The following ATG14 variants were observed in gnomAD, a reference collection of about 807,000 sequenced individuals.
The protein encoded by ATG14 is autophagy related 14.
A neutral mutation model predicts 60.4 loss-of-function variants in ATG14; 35 were observed. The observed-to-expected ratio is 0.58, with a 90% confidence interval of 0.44 to 0.77. The LOEUF (loss-of-function observed/expected upper bound fraction) is 0.77, where lower values mean the gene tolerates loss of function less well. Ranked by LOEUF, ATG14 falls within the 30% of genes least tolerant of loss-of-function variation. The pLI is 0.00. For missense variants in ATG14, 647 were observed against 626.3 expected (o/e 1.03, Z -0.35); for synonymous variants, 234 against 228.8 (o/e 1.02, Z -0.21).
chr14:55,380,876 T>TATATATATATATA (rs1555341864), intron 6 of ATG14, among the ~76,000 whole-genome samples, 186 bp from the exon 7 acceptor site: 58 of 84,264 alleles, frequency 6.9e-4, no homozygotes, highest in African/African-American at 3.3e-3. Flanking sequence ...TATATATATA[T>TATATATATATATA]TTTTTTTTTT....
At chr14:55,411,518 G>C in intron 1 of ATG14, 84 bp downstream of exon 1, 2 of 1,336,568 alleles carry the variant, frequency 1.5e-6, no homozygotes, top group Non-Finnish European at 2.0e-6. Flanking sequence ...GTGCCCGGAC[G>C]GGGAGCCCCA....
intron 1 of ATG14, among the ~76,000 whole-genome samples, chr14:55,410,719 C>T (rs938806927): frequency 2.6e-5 from 4 of 152,206 alleles, no homozygotes; most frequent in Admixed American, 6.5e-5. Context: ...AAAGCACTTA[C>T]TGTGCAGCTT....
At chr14:55,401,335 T>C (rs1299367239) in intron 1 of ATG14, among the ~76,000 whole-genome samples, 1 of 152,168 alleles carries the variant, frequency 6.6e-6, no homozygotes, top group African/African-American at 2.4e-5. Flanking sequence ...TTATTTTTTC[T>C]ATTTTCATGT....
At chr14:55,410,376 G>A (rs1885552624) in intron 1 of ATG14, among the ~76,000 whole-genome samples, 1 of 152,104 alleles carries the variant, frequency 6.6e-6, no homozygotes, top group African/African-American at 2.4e-5. Context: ...CCAAATCCTC[G>A]ATTCACTCCA....
chr14:55,386,472 G>C (rs771896986), intron 4 of ATG14, among the ~76,000 whole-genome samples: 14 of 152,202 alleles, frequency 9.2e-5, no homozygotes, highest in Non-Finnish European at 1.8e-4. Context: ...CTGGCTATCT[G>C]ATTTCCCTAG....
At chr14:55,374,094 G>A (rs1044792259) in intron 9 of ATG14, among the ~76,000 whole-genome samples, 4 of 152,238 alleles carry the variant, frequency 2.6e-5, no homozygotes, top group African/African-American at 7.2e-5. Flanking sequence ...TCCAGTATGA[G>A]TGCTTTTTTC....
At chr14:55,370,268 T>G (rs1170608480) in intron 9 of ATG14, among the ~76,000 whole-genome samples, 1 of 152,196 alleles carries the variant, frequency 6.6e-6, no homozygotes, top group Non-Finnish European at 1.5e-5. Context: ...GTCTACGAAG[T>G]AAATACACGG....
At chr14:55,371,512 C>A (rs2009291) in intron 9 of ATG14, among the ~76,000 whole-genome samples, 84,577 of 152,038 alleles carry the variant, frequency 0.56, 26,569 homozygotes, top group African/African-American at 0.87. Context: ...TTACATTTTC[C>A]AAGAGCCCCT....
At chr14:55,402,968 T>TATATAA (rs1336670488) in intron 1 of ATG14, among the ~76,000 whole-genome samples, 14 of 60,974 alleles carry the variant, frequency 2.3e-4, no homozygotes, top group Admixed American at 1.5e-3. Flanking sequence ...TATATATATA[T>TATATAA]AAATAGCTGG....
At chr14:55,400,371 T>C (rs1457748876) in intron 1 of ATG14, among the ~76,000 whole-genome samples, 1 of 152,236 alleles carries the variant, frequency 6.6e-6, no homozygotes, top group Non-Finnish European at 1.5e-5. Context: ...GTTTTCCAAA[T>C]TGCAGCTGTC....
chr14:55,383,570 AAAC>A lies in ATG14; in HGVS notation c.648-1382_648-1380del, dbSNP rs796925211. ...CATCTCAAAAAAACACAAAAAAACA[AAAC>A]AACAACAACAACAACAAAAAAAACC... On this transcript the variant is annotated intron_variant, in intron 5 of 9. Transcript: ENST00000247178. Among the ~76,000 whole-genome samples, 1,058 of 151,726 alleles carry A rather than the reference AAAC, an allele frequency of 7.0e-3. 14 individuals carry two copies. Among genetic ancestry groups the A allele is most frequent in the African/African-American group, 0.023 (942 of 41,324 alleles).
At chr14:55,387,743 A>C (rs886692767) in intron 4 of ATG14, among the ~76,000 whole-genome samples, 4 of 151,924 alleles carry the variant, frequency 2.6e-5, no homozygotes, top group Non-Finnish European at 4.4e-5. Flanking sequence ...ATCTCGGCTC[A>C]CTGCAACCTC....
intron 4 of ATG14, among the ~76,000 whole-genome samples, chr14:55,387,914 G>A (rs987475959): frequency 4.6e-5 from 7 of 152,100 alleles, no homozygotes; most frequent in Non-Finnish European, 8.8e-5. Context: ...CGCCCGCCTC[G>A]GCCTCCCAAA....
chr14:55,387,457 T>G (rs1209622286), intron 4 of ATG14, among the ~76,000 whole-genome samples: 2 of 152,132 alleles, frequency 1.3e-5, no homozygotes, highest in Non-Finnish European at 2.9e-5. Flanking sequence ...TCCCCAGACC[T>G]TTTGCTCTTC....
intron 3 of ATG14, among the ~76,000 whole-genome samples, chr14:55,393,251 G>A (rs555117633): frequency 8.5e-5 from 13 of 152,206 alleles, no homozygotes; most frequent in South Asian, 4.2e-4. Context: ...CGGGCGTGGT[G>A]GTGGGCGCCT....
chr14:55,375,413 CCTCAA>C (rs113408738), intron 9 of ATG14, among the ~76,000 whole-genome samples: 1,698 of 151,996 alleles, frequency 0.011, 14 homozygotes, highest in Middle Eastern at 0.027. Context: ...GCCTGGAGCT[CCTCAA>C]CTCAGGCGAC....
Position 55,411,776 on chromosome 14 carries a change from C to G in ATG14, c.47G>C (p.Gly16Ala). ...GKGARALEAP[G>A]CGPRPLARDL... ...CCGGGCGAGCGGCCGGGGCCCGCAGCCAGGAGCCTCCAGCGCCCGGGCTCC... is the reference window on the plus strand; with the variant it reads ...CCGGGCGAGCGGCCGGGGCCCGCAGGCAGGAGCCTCCAGCGCCCGGGCTCC... Residue 16 changes from glycine to alanine, a missense_variant, in exon 1 of 10, where the codon GGC becomes GCC. Gly to Ala is a moderately conservative substitution (Grantham distance 60). Transcript: ENST00000247178. The G allele has an allele frequency of 6.2e-7, 1 of 1,604,028 alleles. No homozygotes were observed. The highest frequency in any genetic ancestry group is 8.5e-7 in the Non-Finnish European group (1 of 1,175,882).
intron 9 of ATG14, among the ~76,000 whole-genome samples, chr14:55,373,075 TG>T: frequency 6.6e-6 from 1 of 152,170 alleles, no homozygotes; most frequent in Non-Finnish European, 1.5e-5. Context: ...ATACATCACC[TG>T]CCTGCCAGAC....
At position 55,368,071 on chromosome 14, in the gene ATG14, G is replaced by C. The variant is rs1197203701; in HGVS notation, c.*1548C>G. 1 of 151,872 alleles carries C rather than the reference G, an allele frequency of 6.6e-6. No individual in the cohort carries two copies. Among genetic ancestry groups the C allele is most frequent in the Non-Finnish European group, 1.5e-5 (1 of 67,888 alleles). The allele number at this position is 151,872 out of a possible 1,614,324, so 9.4% of individuals were successfully genotyped here. ...AGGACTCTTTCATAGGATTTCTTTT[G>C]GTAGTTGTTACATAGGATTTTTTTG... On this transcript the variant is annotated 3_prime_UTR_variant, in exon 10 of 10. Coordinates refer to ENST00000247178, the MANE Select transcript of ATG14 (RefSeq NM_014924.5).
Sources: allele counts gnomAD v4.1 joint callset (sites outside exome capture counted in the v4.1 genomes callset), GRCh38; gene constraint gnomAD v4.1.1; transcripts MANE v1.5; gene names NCBI Gene and HGNC (gene_info 2026-07-23, HGNC 2026-07-21).